The following NDST3 variants were observed in gnomAD, a reference collection of about 807,000 sequenced individuals.
The protein encoded by NDST3 is N-deacetylase and N-sulfotransferase 3.
Under a neutral mutation model 96.1 loss-of-function variants are expected in NDST3, and 58 were observed. The ratio of observed to expected loss-of-function variants is 0.60; its 90% CI spans 0.49 to 0.75. The LOEUF is 0.75. NDST3 is among the 30% of genes least tolerant of loss of function. The pLI, the probability that NDST3 is intolerant of heterozygous loss-of-function variation, is 0.00. For synonymous variants in NDST3, 333 were observed against 359.7 expected (o/e 0.93, Z 0.84); for missense variants, 788 against 1,034.2 (o/e 0.76, Z 3.27).
At chr4:118,092,821 C>T (rs1236550400) in intron 2 of NDST3, among the ~76,000 whole-genome samples, 3 of 151,730 alleles carry the variant, frequency 2.0e-5, no homozygotes, top group Admixed American at 6.6e-5. Context: ...TATAGCATAA[C>T]GTATCAGACA....
chr4:118,134,840 T>C (rs938054598), intron 4 of NDST3, among the ~76,000 whole-genome samples: 4 of 152,188 alleles, frequency 2.6e-5, no homozygotes, highest in Non-Finnish European at 5.9e-5. Flanking sequence ...AATCTTAACA[T>C]AGATTTCAGA....
At chr4:118,233,192 T>C (rs771632901) in intron 9 of NDST3, 57 bp downstream of exon 9, 5 of 1,329,148 alleles carry the variant, frequency 3.8e-6, no homozygotes, top group Non-Finnish European at 5.0e-6. Flanking sequence ...CAGTATAAAC[T>C]TAGCACTAAT....
At chr4:118,202,842 G>C (rs1738183891) in intron 6 of NDST3, among the ~76,000 whole-genome samples, 2 of 152,194 alleles carry the variant, frequency 1.3e-5, no homozygotes, top group Middle Eastern at 3.4e-3. Context: ...ATGACTTCCA[G>C]TACTGTGTTG....
intron 6 of NDST3, chr4:118,193,361 G>A (rs2125968111): frequency 2.0e-6 from 1 of 501,382 alleles, no homozygotes; most frequent in East Asian, 3.7e-5. Flanking sequence ...AGAGTAGGGA[G>A]ACGGGGGGCA....
intron 12 of NDST3, among the ~76,000 whole-genome samples, chr4:118,246,332 G>T (rs1486338324): frequency 6.6e-6 from 1 of 152,162 alleles, no homozygotes. Flanking sequence ...TAGGCTGGGT[G>T]GGGTGTCTCA....
intron 3 of NDST3, among the ~76,000 whole-genome samples, chr4:118,111,144 A>G (rs1027123888): frequency 1.0e-3 from 159 of 152,252 alleles, no homozygotes; most frequent in African/African-American, 3.7e-3. Context: ...AGATGGCAAC[A>G]GTAGACACTG....
At chr4:118,057,083 T>C (rs757267781) in intron 2 of NDST3, among the ~76,000 whole-genome samples, 6 of 151,786 alleles carry the variant, frequency 4.0e-5, no homozygotes, top group African/African-American at 9.7e-5. Context: ...GGAGTAAGAA[T>C]GGAGAAGGAA....
rs78168281 is a variant in NDST3 at position 118,216,665 on chromosome 4, G to A, written c.1540-7826G>A. 8.4e-3 allele frequency among the ~76,000 whole-genome samples: 1,271 copies of A among 152,148 alleles called. 11 individuals carry two copies. The highest frequency in any genetic ancestry group is 0.015 in the African/African-American group (610 of 41,534). ...TATTTAAAAAGGAGTAAGGTTTCACGGAAAACAGAGGGAAATGGACAGTAA... is the reference window on the plus strand; with the variant it reads ...TATTTAAAAAGGAGTAAGGTTTCACAGAAAACAGAGGGAAATGGACAGTAA... On this transcript the variant is annotated intron_variant, in intron 6 of 13. Transcript: ENST00000296499.
At chr4:118,092,629 C>T (rs1258462830) in intron 2 of NDST3, among the ~76,000 whole-genome samples, 3 of 151,764 alleles carry the variant, frequency 2.0e-5, no homozygotes, top group African/African-American at 7.3e-5. Flanking sequence ...ACCTCAGCTT[C>T]AGGTCTAAAC....
At chr4:118,138,839 T>C (rs1560671411) in intron 5 of NDST3, among the ~76,000 whole-genome samples, 2 of 152,198 alleles carry the variant, frequency 1.3e-5, no homozygotes, top group South Asian at 2.1e-4. Context: ...CAAAATATGC[T>C]ACTACCTCCC....
At chr4:118,148,070 G>A (rs2125911978) in intron 6 of NDST3, among the ~76,000 whole-genome samples, 2 of 152,276 alleles carry the variant, frequency 1.3e-5, no homozygotes, top group Admixed American at 1.3e-4. Context: ...AGGCCAAGGT[G>A]GGCAGATCAT....
At chr4:118,193,488 C>T in intron 6 of NDST3, 1 of 834,402 alleles carries the variant, frequency 1.2e-6, no homozygotes, top group South Asian at 1.5e-5. Context: ...AGATTGTCTC[C>T]TGAGGAAGCC....
chr4:118,065,615 C>G (rs1177557924), intron 2 of NDST3, among the ~76,000 whole-genome samples: 1 of 152,064 alleles, frequency 6.6e-6, no homozygotes, highest in South Asian at 2.1e-4. Flanking sequence ...CACCTAAGCA[C>G]AGTTTACCAT....
intron 2 of NDST3, among the ~76,000 whole-genome samples, chr4:118,088,909 A>G: frequency 6.6e-6 from 1 of 151,950 alleles, no homozygotes; most frequent in East Asian, 1.9e-4. Context: ...TATTATCATT[A>G]GAGTCCCCTT....
chr4:118,167,839 G>A (rs1359838691), intron 6 of NDST3, among the ~76,000 whole-genome samples: 1 of 151,910 alleles, frequency 6.6e-6, no homozygotes, highest in East Asian at 1.9e-4. Context: ...AAATGGGGTT[G>A]AGAAAACTGA....
intron 4 of NDST3, among the ~76,000 whole-genome samples, chr4:118,127,419 G>C (rs1001548651): frequency 2.0e-5 from 3 of 152,050 alleles, no homozygotes; most frequent in African/African-American, 7.2e-5. Flanking sequence ...TGGAAATCTA[G>C]TTTTTCAAGC....
intron 1 of NDST3, among the ~76,000 whole-genome samples, chr4:118,042,148 A>G (rs1724508089): frequency 6.6e-6 from 1 of 152,290 alleles, no homozygotes; most frequent in East Asian, 1.9e-4. Flanking sequence ...AACTTAGTCC[A>G]TCTATCTATC....
At chr4:118,244,042 C>T (rs944574578) in intron 12 of NDST3, among the ~76,000 whole-genome samples, 1 of 152,192 alleles carries the variant, frequency 6.6e-6, no homozygotes, top group Non-Finnish European at 1.5e-5. Flanking sequence ...TCCCTGAAAC[C>T]ACAGTTTCTA....
chr4:118,117,957 G>A (rs1041198976), intron 4 of NDST3, among the ~76,000 whole-genome samples: 2 of 152,156 alleles, frequency 1.3e-5, no homozygotes, highest in African/African-American at 4.8e-5. Context: ...CGGATTCCCT[G>A]AAGTTCCCTA....
Sources: gnomAD v4.1 joint callset for allele counts (sites outside exome capture counted in the v4.1 genomes callset) on GRCh38, gnomAD v4.1.1 for gene constraint, MANE v1.5 for transcripts, NCBI Gene and HGNC (gene_info 2026-07-23, HGNC 2026-07-21) for gene names.